Variants in ACTR3C observed in about 807,000 individuals in gnomAD.
The protein encoded by ACTR3C is actin-related protein 3C.
Under a neutral mutation model 26.3 loss-of-function variants are expected in ACTR3C, and 18 were observed. The observed-to-expected ratio is 0.68, with a 90% CI of 0.47 to 1.01. The LOEUF (loss-of-function observed/expected upper bound fraction) is 1.01, where lower values mean the gene tolerates loss of function less well. Among genes scored for constraint, ACTR3C ranks in the 50% least tolerant of loss-of-function variants. The pLI, the probability that ACTR3C is intolerant of heterozygous loss-of-function variation, is 0.00. For missense variants in ACTR3C, 184 were observed against 250.7 expected, an observed-to-expected ratio of 0.73 and a Z score of 1.80; for synonymous variants, 55 against 94.5, an observed-to-expected ratio of 0.58 and a Z score of 2.42.
At chr7:150,294,163 C>G (rs940520695) in intron 2 of ACTR3C, among the ~76,000 whole-genome samples, 1 of 152,014 alleles carries the variant, frequency 6.6e-6, no homozygotes, top group Non-Finnish European at 1.5e-5. Flanking sequence ...ATTTTTCAAC[C>G]AAAGAAAATG....
At chr7:150,248,659 C>CAAAAAAAAAAAAAAAAAAAAAAAAAAA (rs59405505) in intron 7 of ACTR3C, 1 of 137,538 alleles carries the variant, frequency 7.3e-6, no homozygotes, top group African/African-American at 3.8e-5. Context: ...GACTCCGTCT[C>CAAAAAAAAAAAAAAAAAAAAAAAAAAA]AAAAAAAAAA....
chr7:150,152,248 C>T, the ACTR3C span, among the ~76,000 whole-genome samples: 3 of 152,034 alleles, frequency 2.0e-5, no homozygotes, highest in African/African-American at 4.8e-5. Flanking sequence ...CCAGTTTTTG[C>T]CCATTCAGTA....
the ACTR3C span, among the ~76,000 whole-genome samples, chr7:149,967,353 G>A: frequency 6.6e-6 from 1 of 151,914 alleles, no homozygotes; most frequent in South Asian, 2.1e-4. Context: ...TTTATTTTTA[G>A]TAGAGACAGG....
chr7:150,286,340 G>A, intron 5 of ACTR3C, 27 bp downstream of exon 5: 2 of 1,610,764 alleles, frequency 1.2e-6, no homozygotes, highest in Non-Finnish European at 8.5e-7. Context: ...TCCCACACTT[G>A]AGCACACAAA....
intron 6 of ACTR3C, among the ~76,000 whole-genome samples, chr7:150,278,573 A>G (rs924384399): frequency 3.9e-5 from 6 of 152,220 alleles, no homozygotes; most frequent in African/African-American, 1.2e-4. Context: ...GCTCACTGAC[A>G]TTACTCGATG....
the ACTR3C span, chr7:150,074,083 G>A: frequency 6.6e-6 from 1 of 152,216 alleles, no homozygotes; most frequent in African/African-American, 2.4e-5. Flanking sequence ...GGACTGAGTT[G>A]GTACAGACCT....
At chr7:150,101,199 G>A in the ACTR3C span, among the ~76,000 whole-genome samples, 1 of 151,748 alleles carries the variant, frequency 6.6e-6, no homozygotes, top group African/African-American at 2.4e-5. Flanking sequence ...AATGCATTCA[G>A]AAAAGGAAAA....
the ACTR3C span, among the ~76,000 whole-genome samples, chr7:150,205,842 T>C: frequency 1.3e-5 from 2 of 151,924 alleles, no homozygotes; most frequent in East Asian, 3.9e-4. Flanking sequence ...TTCTTACTTG[T>C]ACCTCCTGGG....
At chr7:150,225,122 C>T in the ACTR3C span, among the ~76,000 whole-genome samples, 1 of 151,560 alleles carries the variant, frequency 6.6e-6, no homozygotes, top group Admixed American at 6.6e-5. Context: ...TTGTACATTT[C>T]CTGTCACTAG....
chr7:150,124,964 C>A, the ACTR3C span, among the ~76,000 whole-genome samples: 1 of 152,160 alleles, frequency 6.6e-6, no homozygotes, highest in Non-Finnish European at 1.5e-5. Context: ...AAGTTGCCTC[C>A]GACCTCACAT....
the ACTR3C span, among the ~76,000 whole-genome samples, chr7:150,179,715 T>C: frequency 2.0e-5 from 3 of 151,846 alleles, no homozygotes; most frequent in East Asian, 5.8e-4. Flanking sequence ...GGTCTTCAAT[T>C]CCTGGCCTCA....
the ACTR3C span, among the ~76,000 whole-genome samples, chr7:150,184,637 C>G: frequency 6.6e-6 from 1 of 150,552 alleles, no homozygotes; most frequent in Non-Finnish European, 1.5e-5. Context: ...TCTTTCCTCA[C>G]TCCTTCTCCA....
intron 3 of ACTR3C, among the ~76,000 whole-genome samples, chr7:150,291,455 G>A (rs147486244): frequency 0.017 from 2,523 of 152,186 alleles, 215 homozygotes; most frequent in Admixed American, 0.14. Flanking sequence ...AGAGCTTAAA[G>A]ACTATACGGC....
At chr7:150,135,415 C>T in the ACTR3C span, among the ~76,000 whole-genome samples, 589 of 152,286 alleles carry the variant, frequency 3.9e-3, 1 homozygote, top group Non-Finnish European at 5.9e-3. Context: ...TGCTCAGTGG[C>T]CATGAGGAGC....
At chr7:150,185,907 CAT>C in the ACTR3C span, among the ~76,000 whole-genome samples, 7 of 152,292 alleles carry the variant, frequency 4.6e-5, no homozygotes, top group South Asian at 1.4e-3. Context: ...TTGCTAATCA[CAT>C]ATTACTGCCC....
chr7:150,056,088 TA>T, the ACTR3C span, among the ~76,000 whole-genome samples: 1 of 152,168 alleles, frequency 6.6e-6, no homozygotes, highest in South Asian at 2.1e-4. Flanking sequence ...TCTACAAATT[TA>T]AAAAATGGGT....
the ACTR3C span, among the ~76,000 whole-genome samples, chr7:149,910,845 C>CAAA: frequency 6.8e-6 from 1 of 146,654 alleles, no homozygotes; most frequent in Non-Finnish European, 1.5e-5. Context: ...CTGGGGAAAC[C>CAAA]AAAAAAAAAA....
intron 1 of ACTR3C, among the ~76,000 whole-genome samples, chr7:150,302,293 G>A (rs1229376411): frequency 6.6e-6 from 1 of 152,198 alleles, no homozygotes; most frequent in African/African-American, 2.4e-5. Flanking sequence ...CCTCTTGCGC[G>A]GTGCTGACGG....
the ACTR3C span, among the ~76,000 whole-genome samples, chr7:150,165,048 T>A: frequency 1.3e-5 from 2 of 152,186 alleles, no homozygotes; most frequent in Admixed American, 6.5e-5. Flanking sequence ...CGTGCAGAAA[T>A]GGCATTTAAA....
Sources: allele counts gnomAD v4.1 joint callset (sites outside exome capture counted in the v4.1 genomes callset), GRCh38; gene constraint gnomAD v4.1.1; transcripts MANE v1.5; gene names NCBI Gene and HGNC (gene_info 2026-07-23, HGNC 2026-07-21).